The following DEPDC5 variants were observed in gnomAD, a reference collection of about 807,000 sequenced individuals.
The protein encoded by DEPDC5 is DEP domain containing 5, GATOR1 subcomplex subunit, also known as GATOR1 complex protein DEPDC5.
Under a neutral mutation model 217.3 loss-of-function variants are expected in DEPDC5, and 73 were observed. The ratio of observed to expected loss-of-function variants is 0.34; its 90% CI spans 0.28 to 0.41. The LOEUF is 0.41. DEPDC5 is among the 10% of genes least tolerant of loss of function. DEPDC5 has a pLI of 1.00. For missense variants in DEPDC5, 1,675 were observed against 2,070.1 expected (o/e 0.81, Z 3.70); for synonymous variants, 733 against 756.7 (o/e 0.97, Z 0.51).
chr22:31,830,449 G>A (rs895533210), intron 24 of DEPDC5, among the ~76,000 whole-genome samples: 2 of 152,250 alleles, frequency 1.3e-5, no homozygotes, highest in East Asian at 1.9e-4. Flanking sequence ...TATGCCAACA[G>A]CAAGTCTTTA....
chr22:31,792,309 A>G (rs569077834), intron 11 of DEPDC5, among the ~76,000 whole-genome samples: 1 of 152,144 alleles, frequency 6.6e-6, no homozygotes, highest in East Asian at 1.9e-4. Context: ...AAACCAACTT[A>G]ATAGATAGAC....
intron 38 of DEPDC5, among the ~76,000 whole-genome samples, chr22:31,885,155 G>A (rs2093274680): frequency 6.6e-6 from 1 of 152,118 alleles, no homozygotes; most frequent in African/African-American, 2.4e-5. Flanking sequence ...TTCCCCTTCT[G>A]GGCAGGATCC....
At chr22:31,772,209 A>G (rs1041216116) in intron 7 of DEPDC5, among the ~76,000 whole-genome samples, 1 of 152,208 alleles carries the variant, frequency 6.6e-6, no homozygotes, top group Non-Finnish European at 1.5e-5. Context: ...AGCCTGGGCA[A>G]CAGAGTGAGA....
intron 38 of DEPDC5, among the ~76,000 whole-genome samples, chr22:31,889,955 T>A (rs921259742): frequency 2.0e-5 from 3 of 152,268 alleles, no homozygotes; most frequent in African/African-American, 7.2e-5. Context: ...GCCTTAAATG[T>A]CACAGACAGC....
rs754728389 is a variant in DEPDC5 at position 31,797,650 on chromosome 22, C to T, written c.818C>T (p.Thr273Ile). The change falls in exon 13 of 43, where the codon ACC (threonine) becomes ATC (isoleucine). Residue 273 changes from threonine (T) to isoleucine (I), a missense_variant. Coordinates refer to ENST00000651528, the MANE Select transcript of DEPDC5 (RefSeq NM_001242896.3). ...GAAGAATGGACTTCACTTCTCGTAA[C>T]CATTAAAAAACTCTTCATCCAGTAT... Reference protein sequence around the residue: ...RREEWTSLLVTIKKLFIQYPV... With the variant: ...RREEWTSLLVIIKKLFIQYPV... The T allele has an allele frequency of 5.0e-6, 8 of 1,614,022 alleles. No homozygotes were observed. Among genetic ancestry groups the T allele is most frequent in the Non-Finnish European group, 5.9e-6 (7 of 1,179,966 alleles).
chr22:31,906,325 A>G lies in DEPDC5; in HGVS notation c.4640A>G (p.Asn1547Ser). The G allele has an allele frequency of 1.2e-6, 2 of 1,613,976 alleles. No individual in the cohort carries two copies. Among genetic ancestry groups the G allele is most frequent in the Non-Finnish European group, 1.7e-6 (2 of 1,179,930 alleles). ...TTCTGCGAGGAGCGGGTCGGCTACA[A>G]CTGGGCCTACAACACCATGCTCACC... Reference protein sequence around the residue: ...NMFCEERVGYNWAYNTMLTKT... With the variant: ...NMFCEERVGYSWAYNTMLTKT... Residue 1547 changes from asparagine (N) to serine (S), a missense_variant, in exon 43 of 43, where the codon AAC (asparagine) becomes AGC (serine). Coordinates refer to ENST00000651528, the MANE Select transcript of DEPDC5 (RefSeq NM_001242896.3). This position sits in a 1 kb window ranked among gnomAD's most constrained non-coding sequence, Gnocchi z 5.1.
At chr22:31,878,855 A>G (rs1015218513) in intron 37 of DEPDC5, among the ~76,000 whole-genome samples, 5 of 151,776 alleles carry the variant, frequency 3.3e-5, no homozygotes, top group African/African-American at 9.7e-5. Context: ...CCTGGCCAAC[A>G]TGGTGAAATC....
intron 34 of DEPDC5, among the ~76,000 whole-genome samples, chr22:31,872,751 T>C (rs1398135059): frequency 1.3e-5 from 2 of 152,082 alleles, no homozygotes; most frequent in African/African-American, 4.8e-5. Context: ...TTTTATTTTA[T>C]TTTATTTTAT....
chr22:31,891,345 T>G (rs1235216254), intron 38 of DEPDC5: 1 of 341,806 alleles, frequency 2.9e-6, no homozygotes, highest in Non-Finnish European at 5.7e-6. Context: ...TCAGCCACAT[T>G]CAATTAATTT....
At chr22:31,861,267 T>G in intron 32 of DEPDC5, 101 bp from the exon 33 acceptor site, 1 of 1,054,942 alleles carries the variant, frequency 9.5e-7, no homozygotes, top group Non-Finnish European at 1.4e-6. Context: ...TTTTTGTTTT[T>G]TATACCTGTC....
At chr22:31,760,380 T>C (rs1451523549) in intron 3 of DEPDC5, among the ~76,000 whole-genome samples, 1 of 151,264 alleles carries the variant, frequency 6.6e-6, no homozygotes, top group Non-Finnish European at 1.5e-5. Context: ...ATTTTTTCTA[T>C]TTTTTAGTAG....
intron 31 of DEPDC5, among the ~76,000 whole-genome samples, chr22:31,847,759 CT>C (rs1384724988): frequency 1.3e-5 from 2 of 152,190 alleles, no homozygotes; most frequent in South Asian, 2.1e-4. Flanking sequence ...CATTTCACCC[CT>C]GGCCCCTCCC....
chr22:31,815,066 C>T lies in DEPDC5; in HGVS notation c.1520C>T (p.Pro507Leu), dbSNP rs749451397. The change falls in exon 21 of 43, where the codon CCA (proline) becomes CTA (leucine). Residue 507 changes from proline to leucine, a missense_variant. By Grantham distance (98) the Pro-to-Leu change is moderately conservative. Coordinates refer to ENST00000651528, the MANE Select transcript of DEPDC5 (RefSeq NM_001242896.3). ...SCDVSSSPSL[P>L]SRTLPTEEVR... ...GATGTTTCATCCAGCCCTTCCCTAC[C>T]AAGCCGCACACTGCCCACTGAGGAA... 5 of 1,614,074 alleles carry T rather than the reference C, an allele frequency of 3.1e-6. No individual in the cohort carries two copies. Among genetic ancestry groups the T allele is most frequent in the East Asian group, 4.5e-5 (2 of 44,904 alleles).
chr22:31,799,643 A>C (rs1194659119), intron 14 of DEPDC5, among the ~76,000 whole-genome samples: 1 of 147,832 alleles, frequency 6.8e-6, no homozygotes. Flanking sequence ...CTGGGACTAC[A>C]GGTGTGCACC....
intron 38 of DEPDC5, among the ~76,000 whole-genome samples, chr22:31,884,359 G>C (rs2093254760): frequency 6.6e-6 from 1 of 152,142 alleles, no homozygotes; most frequent in African/African-American, 2.4e-5. Flanking sequence ...ACTCTCTCCT[G>C]CTGGCAAAGC....
intron 34 of DEPDC5, among the ~76,000 whole-genome samples, chr22:31,871,722 A>G (rs2092849147): frequency 6.6e-6 from 1 of 152,338 alleles, no homozygotes; most frequent in African/African-American, 2.4e-5. Context: ...GAAATGAGGA[A>G]TCGGGGATAT....
chr22:31,870,258 G>A (rs941338013), intron 33 of DEPDC5, among the ~76,000 whole-genome samples: 4 of 152,108 alleles, frequency 2.6e-5, no homozygotes, highest in South Asian at 2.1e-4. Flanking sequence ...AGTGTAAATC[G>A]TGTGGTTTGA....
At chr22:31,804,525 T>G (rs2087263606) in intron 16 of DEPDC5, among the ~76,000 whole-genome samples, 1 of 152,176 alleles carries the variant, frequency 6.6e-6, no homozygotes, top group Non-Finnish European at 1.5e-5. Flanking sequence ...CTGCAACCTC[T>G]GCCTCCCGGG....
chr22:31,780,139 A>G (rs552651288), intron 8 of DEPDC5, among the ~76,000 whole-genome samples: 1 of 152,340 alleles, frequency 6.6e-6, no homozygotes, highest in East Asian at 1.9e-4. Flanking sequence ...GGTCAAGAGT[A>G]AAAGCAGATA....
Sources: allele counts gnomAD v4.1 joint callset (sites outside exome capture counted in the v4.1 genomes callset), GRCh38; gene constraint gnomAD v4.1.1; non-coding constraint Gnocchi (gnomAD v3.1); transcripts MANE v1.5; gene names NCBI Gene and HGNC (gene_info 2026-07-23, HGNC 2026-07-21).